Variants in SNAP91 observed in about 807,000 individuals in gnomAD.
SNAP91 encodes the protein synaptosome associated protein 91, also known as clathrin coat assembly protein AP180.
Under a neutral mutation model 100.3 loss-of-function variants are expected in SNAP91, and 27 were observed. That is an observed-to-expected ratio of 0.27 (90% CI 0.20 to 0.37). SNAP91 has a LOEUF of 0.37. Among genes scored for constraint, SNAP91 ranks in the 10% least tolerant of loss-of-function variants. SNAP91 has a pLI of 1.00. For missense variants in SNAP91, 986 were observed against 1,123.7 expected, an observed-to-expected ratio of 0.88 and a Z score of 1.75; for synonymous variants, 404 against 398.6, an observed-to-expected ratio of 1.01 and a Z score of -0.16.
chr6:83,559,022 T>C (rs1783085169), intron 28 of SNAP91, among the ~76,000 whole-genome samples: 1 of 152,226 alleles, frequency 6.6e-6, no homozygotes, highest in Non-Finnish European at 1.5e-5. Flanking sequence ...AATTTAGCTT[T>C]ACCTAAACTG....
intron 7 of SNAP91, among the ~76,000 whole-genome samples, chr6:83,654,834 T>C (rs1040898847): frequency 6.6e-6 from 1 of 152,306 alleles, no homozygotes; most frequent in South Asian, 2.1e-4. Context: ...ATATCCTCAT[T>C]TACCAGAAGA....
intron 2 of SNAP91, among the ~76,000 whole-genome samples, chr6:83,693,580 C>T (rs774984051): frequency 3.3e-5 from 5 of 152,150 alleles, no homozygotes; most frequent in African/African-American, 4.8e-5. Flanking sequence ...TAATATCAGA[C>T]GCGATGCTGG....
intron 3 of SNAP91, among the ~76,000 whole-genome samples, chr6:83,664,035 A>G (rs138800465): frequency 2.6e-4 from 39 of 152,270 alleles, no homozygotes; most frequent in African/African-American, 9.1e-4. Flanking sequence ...CCCGGATGAT[A>G]GCACACTCTG....
intron 8 of SNAP91, among the ~76,000 whole-genome samples, chr6:83,640,869 T>C (rs2097668667): frequency 6.6e-6 from 1 of 152,154 alleles, no homozygotes; most frequent in Admixed American, 6.6e-5. Context: ...TTTATTTGAA[T>C]GCAGAATGAT....
chr6:83,691,454 T>C (rs1049534692), intron 2 of SNAP91, among the ~76,000 whole-genome samples: 1 of 152,182 alleles, frequency 6.6e-6, no homozygotes, highest in Non-Finnish European at 1.5e-5. Flanking sequence ...TGTTAGTATA[T>C]ACAATGTATA....
intron 11 of SNAP91, among the ~76,000 whole-genome samples, chr6:83,612,636 G>C (rs2096210895): frequency 6.6e-6 from 1 of 152,272 alleles, no homozygotes; most frequent in East Asian, 1.9e-4. Context: ...AGCACTTTGG[G>C]AGGTAAAGGC....
intron 24 of SNAP91, among the ~76,000 whole-genome samples, chr6:83,579,075 T>C (rs1293083325): frequency 6.6e-6 from 1 of 152,240 alleles, no homozygotes; most frequent in Non-Finnish European, 1.5e-5. Flanking sequence ...GGATCTTTAT[T>C]CTATACCTTT....
chr6:83,641,132 T>C lies in SNAP91; in HGVS notation c.729A>G (p.Arg243=). 1 of 1,549,054 alleles carries C rather than the reference T, an allele frequency of 6.5e-7. No individual in the cohort carries two copies. Among genetic ancestry groups the C allele is most frequent in the Non-Finnish European group, 8.7e-7 (1 of 1,150,108 alleles). The change falls in exon 8 of 30, where the codon AGA becomes AGG. Residue 243 remains arginine (R), a synonymous_variant. Coordinates refer to ENST00000369694, the MANE Select transcript of SNAP91 (RefSeq NM_001242792.2). ...TGAGAAATTCAGACACTCGTGTCAT[T>C]CTAGTTAGAAATCGTTTGTAAATTT... ...ALEIYKRFLT[R]MTRVSEFLKV... is the part of the protein sequence containing the mutation.
At chr6:83,637,437 A>G (rs770528006) in intron 8 of SNAP91, among the ~76,000 whole-genome samples, 8 of 152,150 alleles carry the variant, frequency 5.3e-5, no homozygotes, top group Non-Finnish European at 1.2e-4. Context: ...GGGCAGGGCA[A>G]TGGTATCATG....
At chr6:83,708,041 G>C in intron 1 of SNAP91, 84 bp from the exon 2 acceptor site, 1 of 1,271,542 alleles carries the variant, frequency 7.9e-7, no homozygotes, top group Non-Finnish European at 1.0e-6. Flanking sequence ...CTCCAGCCGC[G>C]CGGCGGCTCT....
intron 7 of SNAP91, among the ~76,000 whole-genome samples, chr6:83,645,903 C>T (rs1041337437): frequency 5.3e-5 from 8 of 152,144 alleles, no homozygotes; most frequent in Admixed American, 4.6e-4. Context: ...TGTAGAATGT[C>T]AGAGAGCTGA....
At chr6:83,630,061 CG>C (rs1254771822) in intron 8 of SNAP91, among the ~76,000 whole-genome samples, 2 of 151,902 alleles carry the variant, frequency 1.3e-5, no homozygotes, top group African/African-American at 2.4e-5. Context: ...TAATCATAAA[CG>C]GATGCTGGAA....
intron 8 of SNAP91, among the ~76,000 whole-genome samples, chr6:83,624,456 T>G (rs1301589004): frequency 6.6e-6 from 1 of 152,124 alleles, no homozygotes; most frequent in Non-Finnish European, 1.5e-5. Context: ...AGTAAACACA[T>G]GAAGCAAAAG....
chr6:83,635,118 T>G (rs542065993), intron 8 of SNAP91, among the ~76,000 whole-genome samples: 1 of 152,298 alleles, frequency 6.6e-6, no homozygotes, highest in South Asian at 2.1e-4. Flanking sequence ...ATTCTGCGGT[T>G]GTTGGGTGGA....
rs1777605504 is a variant in SNAP91 at position 83,556,191 on chromosome 6, C to G, written c.2686G>C (p.Asp896His). Residue 896 changes from aspartate to histidine, a missense_variant, in exon 29 of 30, where the codon GAC becomes CAC. Around this residue, in one of 4 missense-constraint regions of SNAP91, gnomAD observed 71 missense variants for 68.5 expected, o/e 1.04. Transcript: ENST00000369694. ...SQSPKKPPAK[D>H]PLADLNIKDF... ...TTGATGTTAAGATCCGCTAATGGGT[C>G]CTTTGCTGGAGGTTTCTTGGGACTC... 1 of 1,575,544 alleles carries G rather than the reference C, an allele frequency of 6.3e-7. No homozygotes were observed. Among genetic ancestry groups the G allele is most frequent in the Non-Finnish European group, 8.6e-7 (1 of 1,160,556 alleles).
chr6:83,562,646 C>T (rs1044980623), intron 26 of SNAP91, among the ~76,000 whole-genome samples: 1 of 152,196 alleles, frequency 6.6e-6, no homozygotes, highest in South Asian at 2.1e-4. Flanking sequence ...ATTTACCCTA[C>T]TGTCCCCCAC....
In SNAP91 at chr6:83,607,906, A is replaced by AT. The variant is rs370803749; in HGVS notation, c.913-99dup. ...TTGTATAACCATGACATGCCCAGCA[A>AT]TTTTTTTTTTGTAATTCTTTGTGGA... On this transcript the variant is annotated intron_variant, in intron 12 of 29. Coordinates refer to ENST00000369694, the MANE Select transcript of SNAP91 (RefSeq NM_001242792.2). 9.0e-3 allele frequency: 4,047 copies of AT among 450,964 alleles called. 2 individuals carry two copies. The highest frequency in any genetic ancestry group is 0.033 in the East Asian group (809 of 24,534). 27.9% of individuals were successfully genotyped at this position (450,964 alleles called of 1,614,324 possible).
intron 2 of SNAP91, among the ~76,000 whole-genome samples, chr6:83,668,974 C>T (rs1283384340): frequency 6.6e-6 from 1 of 151,964 alleles, no homozygotes; most frequent in Non-Finnish European, 1.5e-5. Context: ...GCTTAGCCTA[C>T]CTTAAATGTG....
At chr6:83,675,059 A>G (rs2128866850) in intron 2 of SNAP91, among the ~76,000 whole-genome samples, 1 of 152,314 alleles carries the variant, frequency 6.6e-6, no homozygotes, top group East Asian at 1.9e-4. Flanking sequence ...GGTGCTGAGA[A>G]CTGCATAAAT....
Sources: gnomAD v4.1 joint callset for allele counts (sites outside exome capture counted in the v4.1 genomes callset) on GRCh38, gnomAD v4.1.1 for gene constraint, gnomAD v4.1.1 regional missense constraint, MANE v1.5 for transcripts, NCBI Gene and HGNC (gene_info 2026-07-23, HGNC 2026-07-21) for gene names.